Variants in TAFA5 observed in about 807,000 individuals in gnomAD.
TAFA5 encodes chemokine-like protein TAFA-5.
TAFA5 carries 6 observed loss-of-function variants against 15.3 expected under a neutral mutation model. The observed-to-expected ratio is 0.39, with a 90% confidence interval of 0.21 to 0.77. The LOEUF is 0.77. Among genes scored for constraint, TAFA5 ranks in the 30% least tolerant of loss-of-function variants. TAFA5 has a pLI of 0.41. For synonymous variants in TAFA5, 103 were observed against 80.7 expected, an observed-to-expected ratio of 1.28 and a Z score of -1.48; for missense variants, 161 against 193.1, an observed-to-expected ratio of 0.83 and a Z score of 0.98.
At chr22:48,584,513 A>G (rs1054429865) in intron 1 of TAFA5, among the ~76,000 whole-genome samples, 1 of 149,902 alleles carries the variant, frequency 6.7e-6, no homozygotes, top group Non-Finnish European at 1.5e-5. Flanking sequence ...CCACACACAC[A>G]CACACATACA....
In TAFA5 at chr22:48,680,285, A is replaced by C. The variant is rs94808; in HGVS notation, c.263-27432A>C. On this transcript the variant is annotated intron_variant, in intron 2 of 3. Transcript: ENST00000402357. Reference sequence around the variant, plus strand: ...GGGCTGGCAGGAGCGTGTGCGTCCCACGACCCAGGTTGCTGCCAGCTTTTG... The same window carrying C: ...GGGCTGGCAGGAGCGTGTGCGTCCCCCGACCCAGGTTGCTGCCAGCTTTTG... Among the ~76,000 whole-genome samples, 4 of 152,108 alleles carry C rather than the reference A, an allele frequency of 2.6e-5. No homozygotes were observed. The South Asian group carries it at 8.3e-4, about 31-fold the overall frequency.
At chr22:48,705,947 A>T (rs1408554865) in intron 2 of TAFA5, among the ~76,000 whole-genome samples, 2 of 152,242 alleles carry the variant, frequency 1.3e-5, no homozygotes, top group East Asian at 3.8e-4. Flanking sequence ...TTATTTAAAA[A>T]AAGGAAAAGA....
At chr22:48,599,845 C>A (rs1467621303) in intron 1 of TAFA5, among the ~76,000 whole-genome samples, 1 of 152,226 alleles carries the variant, frequency 6.6e-6, no homozygotes, top group African/African-American at 2.4e-5. Context: ...GCCTCTACCT[C>A]CAGTTGAGAT....
At chr22:48,589,045 T>G (rs1048755533) in intron 1 of TAFA5, among the ~76,000 whole-genome samples, 6 of 152,228 alleles carry the variant, frequency 3.9e-5, no homozygotes, top group Non-Finnish European at 5.9e-5. Context: ...ACCTTGCTTA[T>G]AAATAACTGT....
intron 2 of TAFA5, among the ~76,000 whole-genome samples, chr22:48,669,677 A>C (rs768678753): frequency 6.8e-4 from 103 of 152,192 alleles, no homozygotes; most frequent in Admixed American, 1.5e-3. Flanking sequence ...AGGGGGTCTT[A>C]AATGACCGAG....
At chr22:48,525,530 G>C (rs1921751332) in intron 1 of TAFA5, among the ~76,000 whole-genome samples, 1 of 152,188 alleles carries the variant, frequency 6.6e-6, no homozygotes, top group Admixed American at 6.5e-5. Context: ...CCTCTGCCCA[G>C]GTGGAGGCCC....
At chr22:48,676,905 C>T (rs1927991744) in intron 2 of TAFA5, among the ~76,000 whole-genome samples, 1 of 152,162 alleles carries the variant, frequency 6.6e-6, no homozygotes, top group East Asian at 1.9e-4. Context: ...AGAGGGTTCC[C>T]AGGATGGTCT....
At position 48,631,064 on chromosome 22, in the gene TAFA5, C is replaced by T. The variant is rs568537104; in HGVS notation, c.113-15533C>T. On this transcript the variant is annotated intron_variant, in intron 1 of 3. Coordinates refer to ENST00000402357, the MANE Select transcript of TAFA5 (RefSeq NM_001082967.3). ...ACGTTCTGGAGGGGGTGTGGCTCCCCGCCCTGTCCTTTCTAAGGACGGACC... is the reference window on the plus strand; with the variant it reads ...ACGTTCTGGAGGGGGTGTGGCTCCCTGCCCTGTCCTTTCTAAGGACGGACC... Among the ~76,000 whole-genome samples, 139 of 152,304 alleles carry T rather than the reference C, an allele frequency of 9.1e-4. 1 individual carries two copies. Among genetic ancestry groups the T allele is most frequent in the Middle Eastern group, 3.4e-3 (1 of 294 alleles).
chr22:48,712,216 C>G (rs953907621), intron 3 of TAFA5, among the ~76,000 whole-genome samples: 1 of 152,188 alleles, frequency 6.6e-6, no homozygotes. Flanking sequence ...ACCATCACAC[C>G]CAGCTAGTTT....
intron 2 of TAFA5, among the ~76,000 whole-genome samples, chr22:48,692,730 C>T (rs1038391881): frequency 7.9e-5 from 12 of 152,374 alleles, no homozygotes; most frequent in Non-Finnish European, 1.3e-4. Flanking sequence ...GTATTTAAAA[C>T]GCATACGTAT....
At chr22:48,693,391 A>G (rs1394973051) in intron 2 of TAFA5, 4 of 1,612,470 alleles carry the variant, frequency 2.5e-6, no homozygotes, top group Non-Finnish European at 3.4e-6. Context: ...GGTGAGTCGG[A>G]GATCCGTGCG....
intron 3 of TAFA5, among the ~76,000 whole-genome samples, chr22:48,738,058 C>T (rs1052396364): frequency 1.3e-5 from 2 of 152,114 alleles, no homozygotes; most frequent in Non-Finnish European, 2.9e-5. Context: ...TTCAGTGAGG[C>T]TGAGTCCAGG....
At chr22:48,561,912 TG>T (rs1923243489) in intron 1 of TAFA5, among the ~76,000 whole-genome samples, 1 of 152,200 alleles carries the variant, frequency 6.6e-6, no homozygotes, top group South Asian at 2.1e-4. Context: ...GTCCTGGGAC[TG>T]GGACCGTGGG....
intron 2 of TAFA5, among the ~76,000 whole-genome samples, chr22:48,681,268 A>G (rs2147230385): frequency 6.6e-6 from 1 of 152,314 alleles, no homozygotes; most frequent in Admixed American, 6.5e-5. Flanking sequence ...TAGGAGAAGC[A>G]CAGAAAATGA....
intron 2 of TAFA5, among the ~76,000 whole-genome samples, chr22:48,675,522 C>A (rs959487114): frequency 6.6e-6 from 1 of 152,260 alleles, no homozygotes; most frequent in Non-Finnish European, 1.5e-5. Context: ...GGGAAATAGG[C>A]TGGAGAAGCT....
intron 3 of TAFA5, among the ~76,000 whole-genome samples, chr22:48,732,603 A>G (rs891065134): frequency 3.3e-5 from 5 of 152,166 alleles, no homozygotes; most frequent in Admixed American, 6.5e-5. Flanking sequence ...AGATGCTGTG[A>G]ACATTGTGGA....
At chr22:48,511,758 T>C (rs1198024596) in intron 1 of TAFA5, among the ~76,000 whole-genome samples, 1 of 152,236 alleles carries the variant, frequency 6.6e-6, no homozygotes, top group Non-Finnish European at 1.5e-5. Flanking sequence ...AAGCATCACC[T>C]GTGGAACCTT....
chr22:48,588,386 C>T (rs1304256960), intron 1 of TAFA5, among the ~76,000 whole-genome samples: 1 of 152,200 alleles, frequency 6.6e-6, no homozygotes, highest in Non-Finnish European at 1.5e-5. Flanking sequence ...TCTCTCCCGA[C>T]TTTGCTCCCT....
At chr22:48,511,922 G>A (rs1199242960) in intron 1 of TAFA5, among the ~76,000 whole-genome samples, 5 of 152,260 alleles carry the variant, frequency 3.3e-5, no homozygotes, top group African/African-American at 7.2e-5. Context: ...AACGGGGCTT[G>A]CTGTGGGGAA....
Sources: gnomAD v4.1 joint callset for allele counts (sites outside exome capture counted in the v4.1 genomes callset) on GRCh38, gnomAD v4.1.1 for gene constraint, MANE v1.5 for transcripts, NCBI Gene and HGNC (gene_info 2026-07-23, HGNC 2026-07-21) for gene names.